The following LAMTOR4 variants were observed in gnomAD, a reference collection of about 807,000 sequenced individuals.
LAMTOR4 encodes late endosomal/lysosomal adaptor, MAPK and MTOR activator 4, also known as ragulator complex protein LAMTOR4.
LAMTOR4 carries 11 observed loss-of-function variants against 13.5 expected under a neutral mutation model. The observed-to-expected ratio is 0.82, with a 90% CI of 0.51 to 1.35. LAMTOR4 has a LOEUF of 1.35. Ranked by LOEUF, LAMTOR4 falls within the 40% of genes most tolerant of loss-of-function variation. The pLI is 0.00. For synonymous variants in LAMTOR4, 69 were observed against 52.3 expected, an observed-to-expected ratio of 1.32 and a Z score of -1.38; for missense variants, 128 against 126.2, an observed-to-expected ratio of 1.01 and a Z score of -0.07.
At position 100,149,474 on chromosome 7, in the gene LAMTOR4, C is replaced by T. The variant is rs190779439; in HGVS notation, c.4-25C>T. 372 of 1,551,358 alleles carry T rather than the reference C, an allele frequency of 2.4e-4. No individual in the cohort carries two copies. In the African/African-American group the frequency reaches 4.5e-3, roughly 19 times the overall value. On this transcript the variant is annotated intron_variant, in intron 1 of 3. Coordinates refer to ENST00000341942, the MANE Select transcript of LAMTOR4 (RefSeq NM_001008395.4). ...CCGTCCATCCCTCTAGCATGCTTCT[C>T]ACGACTTGCATCTTTACCCACTAGA...
At chr7:100,149,130 G>T in intron 1 of LAMTOR4, 155 bp downstream of exon 1, 1 of 969,572 alleles carries the variant, frequency 1.0e-6, no homozygotes, top group Admixed American at 2.6e-5. Context: ...ATGGCGACGA[G>T]AATGCTGGGG....
Position 100,153,854 on chromosome 7 carries a change from G to A in LAMTOR4, c.203-13G>A. The A allele has an allele frequency of 6.4e-7, 1 of 1,550,756 alleles. No homozygotes were observed. The highest frequency in any genetic ancestry group is 8.8e-7 in the Non-Finnish European group (1 of 1,141,500). The stretch of plus-strand genomic sequence containing the variant: ...CCTCTCCTGGGGCGGGGGAAGGTGT[G>A]TCTCTCCTCCAGTGGTCTTTGGAGA... On this transcript the variant is annotated splice_polypyrimidine_tract_variant and intron_variant, in intron 3 of 3. Transcript: ENST00000341942.
At position 100,154,018 on chromosome 7, in the gene LAMTOR4, TG is replaced by T; in HGVS notation, c.*55del. The T allele has an allele frequency of 3.0e-6, 4 of 1,339,324 alleles. No homozygotes were observed. The highest frequency in any genetic ancestry group is 4.2e-6 in the Non-Finnish European group (4 of 953,096). The allele number at this position is 1,339,324 out of a possible 1,614,324, so 83.0% of individuals were successfully genotyped here. On this transcript the variant is annotated 3_prime_UTR_variant, in exon 4 of 4. Coordinates refer to ENST00000341942, the MANE Select transcript of LAMTOR4 (RefSeq NM_001008395.4). ...CGGATTGGGTCCTGGGCCTCTGTGA[TG>T]AGGCAGGCACACCTGTCGGTCTTGG...
At chr7:100,149,013 G>T (rs1015515876) in intron 1 of LAMTOR4, 38 bp downstream of exon 1, 44 of 1,602,412 alleles carry the variant, frequency 2.7e-5, no homozygotes, top group Non-Finnish European at 3.6e-5. Context: ...CCCGCCGGGG[G>T]TTCAGCGTCT....
In LAMTOR4 at chr7:100,154,074, G is replaced by A. The variant is rs1268349456; in HGVS notation, c.*110G>A. Reference sequence around the variant, plus strand: ...CTGCTAGAACTAGGGCCTTCTGCTCGCCCACCTCCCACCCCTACCTGGACG... The same window carrying A: ...CTGCTAGAACTAGGGCCTTCTGCTCACCCACCTCCCACCCCTACCTGGACG... On this transcript the variant is annotated 3_prime_UTR_variant, in exon 4 of 4. Transcript: ENST00000341942. The A allele has an allele frequency of 2.1e-5, 17 of 803,672 alleles. No homozygotes were observed. The highest frequency in any genetic ancestry group is 1.5e-4 in the South Asian group (10 of 64,820). 49.8% of individuals were successfully genotyped at this position (803,672 alleles called of 1,614,324 possible). A position where few individuals can be genotyped will look rare whatever the true frequency, so the allele number is the denominator to read the frequency against.
chr7:100,148,954 C>G lies in LAMTOR4; in HGVS notation c.-19C>G, dbSNP rs769297949. On this transcript the variant is annotated 5_prime_UTR_variant, in exon 1 of 4. Coordinates refer to ENST00000341942, the MANE Select transcript of LAMTOR4 (RefSeq NM_001008395.4). ...AGCTACCTATCTGGTAGGGAGCTCC[C>G]CCAGCACCGAAGACTGCGATGGTGA... The G allele has an allele frequency of 6.2e-7, 1 of 1,612,312 alleles. No individual in the cohort carries two copies. The highest frequency in any genetic ancestry group is 1.7e-5 in the Admixed American group (1 of 59,972).
intron 2 of LAMTOR4, among the ~76,000 whole-genome samples, chr7:100,151,826 A>G (rs1798712787): frequency 6.6e-6 from 1 of 150,684 alleles, no homozygotes; most frequent in African/African-American, 2.4e-5. Context: ...CATCCCAAGT[A>G]ACTAGAACTA....
chr7:100,149,738 C>T (rs1001778640), intron 2 of LAMTOR4, 159 bp downstream of exon 2: 32 of 573,640 alleles, frequency 5.6e-5, no homozygotes, highest in Non-Finnish European at 7.3e-5. Flanking sequence ...TTTCAGTAAT[C>T]AGTCTGTGGA....
intron 2 of LAMTOR4, among the ~76,000 whole-genome samples, chr7:100,150,745 G>A (rs909917620): frequency 3.3e-5 from 5 of 151,964 alleles, no homozygotes; most frequent in Non-Finnish European, 7.4e-5. Context: ...TAGCACTTTG[G>A]GAGGCCAAGG....
intron 2 of LAMTOR4, chr7:100,149,932 T>C (rs1163739149): frequency 1.2e-5 from 2 of 173,362 alleles, no homozygotes; most frequent in Non-Finnish European, 2.5e-5. Context: ...CGTGCCACCA[T>C]GCTCTGCTAA....
At chr7:100,153,594 T>G (rs756782291) in intron 3 of LAMTOR4, 77 bp downstream of exon 3, 1 of 1,278,754 alleles carries the variant, frequency 7.8e-7, no homozygotes, top group Non-Finnish European at 1.1e-6. Flanking sequence ...GCTTCTCTTC[T>G]TCCAGCCTCC....
chr7:100,150,813 G>T (rs902653838), intron 2 of LAMTOR4, among the ~76,000 whole-genome samples: 4 of 151,736 alleles, frequency 2.6e-5, no homozygotes, highest in South Asian at 4.2e-4. Context: ...GTGAAACCCC[G>T]TCTGTACTAA....
Position 100,152,813 on chromosome 7 carries a change from G to A in LAMTOR4, c.85-587G>A, listed in dbSNP as rs148057112. 8.7e-3 allele frequency: 1,337 copies of A among 152,916 alleles called. 9 individuals are homozygous for A. Among genetic ancestry groups the A allele is most frequent in the Middle Eastern group, 0.02 (6 of 294 alleles). The allele number at this position is 152,916 out of a possible 1,614,324, so 9.5% of individuals were successfully genotyped here. ...AATGTGGCTTTATCAAATAGGCAGG[G>A]ACATGGGAGAAATCCAGTTTTATGG... On this transcript the variant is annotated intron_variant, in intron 2 of 3. Transcript: ENST00000341942.
In LAMTOR4 at chr7:100,151,412, G is replaced by A. The variant is rs1178566986; in HGVS notation, c.84+1833G>A. Among the ~76,000 whole-genome samples, 12 of 142,998 alleles carry A rather than the reference G, an allele frequency of 8.4e-5. No homozygotes were observed. In the East Asian group the frequency reaches 8.6e-4, roughly 10 times the overall value. The allele number at this position is 142,998 out of a possible 152,430, so 93.8% of individuals were successfully genotyped here. A position where few individuals can be genotyped will look rare whatever the true frequency, so the allele number is the denominator to read the frequency against. On this transcript the variant is annotated intron_variant, in intron 2 of 3. Transcript: ENST00000341942. ...TTTTTGTTTTTGTTTTTTTTGAGAC[G>A]GAGTCTCACTCTGTCACCCAGGCTG... is the stretch of plus-strand genomic sequence containing the variant.
intron 2 of LAMTOR4, among the ~76,000 whole-genome samples, chr7:100,152,356 T>G (rs1486092842): frequency 1.3e-5 from 2 of 151,982 alleles, no homozygotes; most frequent in African/African-American, 4.8e-5. Context: ...GAGCCAAGAT[T>G]GCACCACTGT....
Position 100,149,075 on chromosome 7 carries a change from ACCT to A in LAMTOR4, c.3+104_3+106del, listed in dbSNP as rs1798615975. 5.0e-6 allele frequency: 7 copies of A among 1,413,212 alleles called. No individual in the cohort carries two copies. In the Admixed American group the frequency reaches 1.4e-4, roughly 29 times the overall value. The allele number at this position is 1,413,212 out of a possible 1,614,324, so 87.5% of individuals were successfully genotyped here. A position where few individuals can be genotyped will look rare whatever the true frequency, so the allele number is the denominator to read the frequency against. On this transcript the variant is annotated intron_variant, in intron 1 of 3. Transcript: ENST00000341942. The stretch of plus-strand genomic sequence containing the variant: ...CCTGGTGGGCCTGCGCTCCACCCTC[ACCT>A]CCTATCCGCTCGGGGAGGAAGAGGG...
At chr7:100,153,377 C>T (rs753927182) in intron 2 of LAMTOR4, 23 bp from the exon 3 acceptor site, 3 of 1,541,594 alleles carry the variant, frequency 1.9e-6, no homozygotes, top group South Asian at 2.2e-5. Flanking sequence ...GCCCGCCCCT[C>T]TCCCTCCTCC....
Position 100,150,684 on chromosome 7 carries a change from G to A in LAMTOR4, c.84+1105G>A, listed in dbSNP as rs183484824. Among the ~76,000 whole-genome samples, 17 of 152,230 alleles carry A rather than the reference G, an allele frequency of 1.1e-4. 1 individual carries two copies. Among genetic ancestry groups the A allele is most frequent in the African/African-American group, 2.4e-4 (10 of 41,540 alleles). On this transcript the variant is annotated intron_variant, in intron 2 of 3. Coordinates refer to ENST00000341942, the MANE Select transcript of LAMTOR4 (RefSeq NM_001008395.4). Reference sequence around the variant, plus strand: ...GATGTGAAGATGGGCAGAAGGAGGCGTCATTAAGAGATGAGACTGGGCTGG... The same window carrying A: ...GATGTGAAGATGGGCAGAAGGAGGCATCATTAAGAGATGAGACTGGGCTGG...
chr7:100,153,259 T>C, intron 2 of LAMTOR4, 141 bp from the exon 3 acceptor site: 2 of 667,930 alleles, frequency 3.0e-6, no homozygotes, highest in Non-Finnish European at 5.3e-6. Flanking sequence ...AGATTTCAGG[T>C]TGTTTTTTTC....
Sources: allele counts gnomAD v4.1 joint callset (sites outside exome capture counted in the v4.1 genomes callset), GRCh38; gene constraint gnomAD v4.1.1; transcripts MANE v1.5; gene names NCBI Gene and HGNC (gene_info 2026-07-23, HGNC 2026-07-21).